Variants in IMMP2L observed in about 807,000 individuals in gnomAD.
IMMP2L encodes the protein mitochondrial inner membrane protease subunit 2.
IMMP2L carries 18 observed loss-of-function variants against 19.3 expected under a neutral mutation model. The ratio of observed to expected loss-of-function variants is 0.93; its 90% CI spans 0.64 to 1.38. The LOEUF is 1.38. IMMP2L is among the 40% of genes most tolerant of loss of function. The pLI, the probability that IMMP2L is intolerant of heterozygous loss-of-function variation, is 0.00. For missense variants in IMMP2L, 233 were observed against 218.2 expected (o/e 1.07, Z -0.43); for synonymous variants, 76 against 73.0 (o/e 1.04, Z -0.21).
chr7:110,732,542 T>C (rs1796338402), intron 5 of IMMP2L, among the ~76,000 whole-genome samples: 1 of 152,206 alleles, frequency 6.6e-6, no homozygotes, highest in African/African-American at 2.4e-5. Flanking sequence ...AAGAAGTCTT[T>C]TCCTCTAGGC....
intron 5 of IMMP2L, among the ~76,000 whole-genome samples, chr7:110,824,958 A>T (rs1243895140): frequency 1.3e-5 from 2 of 152,104 alleles, no homozygotes; most frequent in South Asian, 4.1e-4. Flanking sequence ...CTCAGCCCAA[A>T]ATCTCCTTAA....
At chr7:110,910,679 G>A (rs1289283690) in intron 4 of IMMP2L, among the ~76,000 whole-genome samples, 1 of 152,132 alleles carries the variant, frequency 6.6e-6, no homozygotes, top group Non-Finnish European at 1.5e-5. Flanking sequence ...TATTTGGGGG[G>A]AAGGTGATGA....
chr7:111,291,202 CA>C (rs1348313976), intron 3 of IMMP2L, among the ~76,000 whole-genome samples: 1 of 152,030 alleles, frequency 6.6e-6, no homozygotes, highest in Non-Finnish European at 1.5e-5. Flanking sequence ...GTGATTCAAT[CA>C]GAAAAGATCT....
intron 4 of IMMP2L, among the ~76,000 whole-genome samples, chr7:110,904,892 C>T (rs1280377393): frequency 1.3e-5 from 2 of 152,184 alleles, no homozygotes; most frequent in African/African-American, 2.4e-5. Context: ...GGATATCTAT[C>T]TCATTTGAAC....
chr7:111,556,684 T>G (rs1791402110), intron 1 of IMMP2L, among the ~76,000 whole-genome samples: 1 of 152,180 alleles, frequency 6.6e-6, no homozygotes, highest in Non-Finnish European at 1.5e-5. Context: ...CATCTTTCTC[T>G]TTTATGGTTT....
rs139251144 is a variant in IMMP2L at position 110,909,926 on chromosome 7, C to CAGAGAGAGAGAGAGAGAGAG, written c.306-23251_306-23232dup. Reference sequence around the variant, plus strand: ...AGAGAGAAAGAGAGAGAGAGATAGACAGAGAGAGAGAGAGAGAGAGAGAGA... The same window carrying CAGAGAGAGAGAGAGAGAGAG: ...AGAGAGAAAGAGAGAGAGAGATAGACAGAGAGAGAGAGAGAGAGAGAGAGAGAGAGAGAGAGAGAGAGAGA... On this transcript the variant is annotated intron_variant, in intron 4 of 5. Coordinates refer to ENST00000405709, the MANE Select transcript of IMMP2L (RefSeq NM_032549.4). Among the ~76,000 whole-genome samples the CAGAGAGAGAGAGAGAGAGAG allele has an allele frequency of 2.0e-3, 289 of 145,810 alleles. 1 individual carries two copies. Among genetic ancestry groups the CAGAGAGAGAGAGAGAGAGAG allele is most frequent in the African/African-American group, 7.0e-3 (278 of 39,790 alleles).
At chr7:110,732,131 C>A (rs978623446) in intron 5 of IMMP2L, among the ~76,000 whole-genome samples, 13 of 152,020 alleles carry the variant, frequency 8.6e-5, no homozygotes, top group Non-Finnish European at 1.6e-4. Context: ...GTTCAAGGGG[C>A]TGGAGAGCAT....
chr7:111,431,471 G>A (rs1305046776), intron 3 of IMMP2L, among the ~76,000 whole-genome samples: 2 of 151,680 alleles, frequency 1.3e-5, no homozygotes, highest in Non-Finnish European at 2.9e-5. Flanking sequence ...CCTAACACCC[G>A]CCCAACATAG....
At chr7:110,885,192 G>A (rs1012823686) in intron 5 of IMMP2L, among the ~76,000 whole-genome samples, 15 of 150,304 alleles carry the variant, frequency 1.0e-4, no homozygotes, top group East Asian at 5.8e-4. Flanking sequence ...TTTTTATTTC[G>A]GAGTATTTGC....
intron 3 of IMMP2L, among the ~76,000 whole-genome samples, chr7:111,471,087 T>G (rs1841220636): frequency 6.6e-6 from 1 of 151,952 alleles, no homozygotes; most frequent in Non-Finnish European, 1.5e-5. Context: ...AATGAGAAGA[T>G]TTGAGAATTT....
chr7:110,917,397 A>G (rs1401413326), intron 4 of IMMP2L, among the ~76,000 whole-genome samples: 1 of 152,202 alleles, frequency 6.6e-6, no homozygotes, highest in Non-Finnish European at 1.5e-5. Context: ...AAAGGTTAAA[A>G]ATGATAACAA....
intron 5 of IMMP2L, among the ~76,000 whole-genome samples, chr7:110,796,945 G>A (rs1800903793): frequency 6.6e-6 from 1 of 152,028 alleles, no homozygotes; most frequent in Non-Finnish European, 1.5e-5. Flanking sequence ...CAAGTATTGA[G>A]TTGATTCATT....
At chr7:111,347,465 A>T (rs1827687163) in intron 3 of IMMP2L, among the ~76,000 whole-genome samples, 1 of 152,102 alleles carries the variant, frequency 6.6e-6, no homozygotes, top group African/African-American at 2.4e-5. Context: ...TTTGCTCCAA[A>T]GCCCCTACCC....
intron 3 of IMMP2L, among the ~76,000 whole-genome samples, chr7:111,242,463 C>T (rs1025621599): frequency 3.3e-5 from 5 of 152,126 alleles, no homozygotes; most frequent in South Asian, 2.1e-4. Flanking sequence ...CAACACTTCA[C>T]GATCCAGGGG....
intron 3 of IMMP2L, among the ~76,000 whole-genome samples, chr7:111,443,042 G>A (rs557581476): frequency 6.6e-6 from 1 of 151,926 alleles, no homozygotes; most frequent in African/African-American, 2.4e-5. Flanking sequence ...TTTCATTTGA[G>A]TTTTTCTTTC....
intron 3 of IMMP2L, among the ~76,000 whole-genome samples, chr7:111,022,945 A>G (rs1377223041): frequency 6.6e-6 from 1 of 152,222 alleles, no homozygotes; most frequent in African/African-American, 2.4e-5. Context: ...GAGCAGATGC[A>G]ACTCATTTCT....
At chr7:111,199,034 G>C (rs1315659182) in intron 3 of IMMP2L, among the ~76,000 whole-genome samples, 1 of 152,086 alleles carries the variant, frequency 6.6e-6, no homozygotes, top group Non-Finnish European at 1.5e-5. Flanking sequence ...AGCTATGTCA[G>C]TCACTACATT....
intron 5 of IMMP2L, among the ~76,000 whole-genome samples, chr7:110,787,419 G>A (rs57322693): frequency 0.059 from 8,915 of 151,918 alleles, 285 homozygotes; most frequent in Middle Eastern, 0.078. Context: ...GAGGGCTTAC[G>A]CAGTTGCTTT....
At chr7:111,159,488 C>A (rs1466084418) in intron 3 of IMMP2L, among the ~76,000 whole-genome samples, 2 of 152,052 alleles carry the variant, frequency 1.3e-5, no homozygotes, top group East Asian at 1.9e-4. Flanking sequence ...AAAACAATAA[C>A]CTTTTCTGTA....
Sources: gnomAD v4.1 joint callset for allele counts (sites outside exome capture counted in the v4.1 genomes callset) on GRCh38, gnomAD v4.1.1 for gene constraint, MANE v1.5 for transcripts, NCBI Gene and HGNC (gene_info 2026-07-23, HGNC 2026-07-21) for gene names.